Variants in TUB observed in about 807,000 individuals in gnomAD.
TUB encodes tubby protein homolog.
A neutral mutation model predicts 59.7 loss-of-function variants in TUB; 33 were observed. That is an observed-to-expected ratio of 0.55 (90% CI 0.42 to 0.74). The LOEUF (loss-of-function observed/expected upper bound fraction) is 0.74. Among genes scored for constraint, TUB ranks in the 30% least tolerant of loss-of-function variants. TUB has a pLI of 0.00. For missense variants in TUB, 659 were observed against 672.0 expected, an observed-to-expected ratio of 0.98 and a Z score of 0.21; for synonymous variants, 293 against 256.4, an observed-to-expected ratio of 1.14 and a Z score of -1.36.
At chr11:8,046,440 ATCT>A (rs1248078759) in intron 2 of TUB, among the ~76,000 whole-genome samples, 14 of 152,144 alleles carry the variant, frequency 9.2e-5, no homozygotes, top group Non-Finnish European at 1.9e-4. Flanking sequence ...CCAAACTAAC[ATCT>A]TCTCTCACCA....
In TUB at chr11:8,029,400, T is replaced by C. The variant is rs542788278; in HGVS notation, c.56+10042T>C. Among the ~76,000 whole-genome samples, 36 of 150,348 alleles carry C rather than the reference T, an allele frequency of 2.4e-4. No homozygotes were observed. The East Asian group carries it at 5.2e-3, about 22-fold the overall frequency. ...TTTTTCTTTCTTTCTTTTTTTTTTT[T>C]TTTTTTGAGACAGAGTCTCGCTCTT... On this transcript the variant is annotated intron_variant, in intron 1 of 11. Transcript: ENST00000534099.
At chr11:8,048,369 A>C (rs1321645840) in intron 2 of TUB, among the ~76,000 whole-genome samples, 2 of 152,192 alleles carry the variant, frequency 1.3e-5, no homozygotes, top group African/African-American at 4.8e-5. Context: ...GGACTACAAT[A>C]GATGAAGGTG....
At chr11:8,049,428 T>C (rs1942890642) in intron 2 of TUB, among the ~76,000 whole-genome samples, 1 of 152,128 alleles carries the variant, frequency 6.6e-6, no homozygotes, top group Non-Finnish European at 1.5e-5. Context: ...GTGATTCTGA[T>C]GTCCAGGCAG....
chr11:8,036,454 T>A (rs1942647806), upstream of TUB, among the ~76,000 whole-genome samples: 1 of 152,226 alleles, frequency 6.6e-6, no homozygotes, highest in South Asian at 2.1e-4. Flanking sequence ...AGCATCCTTC[T>A]TAGAAGGCTG....
At chr11:8,065,182 C>T (rs1023464423) in intron 2 of TUB, among the ~76,000 whole-genome samples, 3 of 152,292 alleles carry the variant, frequency 2.0e-5, no homozygotes, top group East Asian at 1.9e-4. Context: ...GACCATCAGG[C>T]TAAGGAGGAA....
At chr11:8,021,580 T>C (rs1942427962) in intron 1 of TUB, among the ~76,000 whole-genome samples, 1 of 152,088 alleles carries the variant, frequency 6.6e-6, no homozygotes, top group South Asian at 2.1e-4. Flanking sequence ...TTAATGCATA[T>C]TGTAAACGTT....
rs189245219 is a variant in TUB, at chr11:8,097,617, G to T, written c.886-97G>T. 215 of 1,315,686 alleles carry T rather than the reference G, an allele frequency of 1.6e-4. No homozygotes were observed. The African/African-American group carries it at 2.4e-3, about 14-fold the overall frequency. The allele number at this position is 1,315,686 out of a possible 1,614,324, so 81.5% of individuals were successfully genotyped here. A position where few individuals can be genotyped will look rare whatever the true frequency, so the allele number is the denominator to read the frequency against. ...TGTGTGTGCACATATGTGCGTTTGG[G>T]AGCTGACGCAACGGAGAGAGTCTGT... is the stretch of plus-strand genomic sequence containing the variant. On this transcript the variant is annotated intron_variant, in intron 7 of 11. Transcript: ENST00000299506.
At chr11:8,091,041 G>T (rs373078256) in intron 3 of TUB, among the ~76,000 whole-genome samples, 1 of 152,040 alleles carries the variant, frequency 6.6e-6, no homozygotes, top group East Asian at 1.9e-4. Context: ...TGGCTTTTGC[G>T]GTTAGGAAGA....
At chr11:8,097,939 T>C (rs765424068) in intron 8 of TUB, 113 bp downstream of exon 8, 5 of 763,964 alleles carry the variant, frequency 6.5e-6, no homozygotes, top group South Asian at 1.7e-5. Flanking sequence ...ATGGATACTC[T>C]CCCAGGATCC....
intron 1 of TUB, among the ~76,000 whole-genome samples, chr11:8,086,215 T>C (rs906516932): frequency 6.6e-6 from 1 of 152,200 alleles, no homozygotes; most frequent in Admixed American, 6.5e-5. Flanking sequence ...TAATTGGAGC[T>C]GAAGTCATTA....
At chr11:8,049,947 CACA>C (rs1211478664) in intron 2 of TUB, among the ~76,000 whole-genome samples, 4 of 152,086 alleles carry the variant, frequency 2.6e-5, no homozygotes, top group African/African-American at 9.7e-5. Flanking sequence ...GACCAAGAAA[CACA>C]ACATTTGCCA....
intron 9 of TUB, 147 bp from the exon 10 acceptor site, chr11:8,100,356 T>C (rs1393840176): frequency 1.5e-6 from 1 of 667,614 alleles, no homozygotes; most frequent in Admixed American, 2.2e-5. Flanking sequence ...GGCTCAGTTC[T>C]GGCCGTGTTA....
intron 1 of TUB, among the ~76,000 whole-genome samples, chr11:8,030,722 C>T (rs567249173): frequency 6.6e-6 from 1 of 152,124 alleles, no homozygotes; most frequent in Non-Finnish European, 1.5e-5. Flanking sequence ...GAGCACAGAG[C>T]TGAGGTCCGG....
At chr11:8,081,631 C>T (rs1193964850) in intron 1 of TUB, 83 bp downstream of exon 1, 13 of 1,377,906 alleles carry the variant, frequency 9.4e-6, no homozygotes, top group Non-Finnish European at 1.1e-5. Flanking sequence ...GGGCGCAGGG[C>T]ACCGCTGCCC....
chr11:8,079,196 T>C (rs1171606553), upstream of TUB, among the ~76,000 whole-genome samples: 1 of 152,214 alleles, frequency 6.6e-6, no homozygotes, highest in Non-Finnish European at 1.5e-5. Context: ...CTTCAAATTC[T>C]TGAAGGGAAA....
chr11:8,048,054 G>A (rs1159242103), intron 2 of TUB, among the ~76,000 whole-genome samples: 3 of 151,934 alleles, frequency 2.0e-5, no homozygotes, highest in African/African-American at 7.3e-5. Context: ...AGCCTACAGT[G>A]CATGTACACA....
At chr11:8,091,513 C>T (rs544083616) in intron 3 of TUB, among the ~76,000 whole-genome samples, 1 of 152,324 alleles carries the variant, frequency 6.6e-6, no homozygotes, top group East Asian at 1.9e-4. Context: ...CAGTGACCTG[C>T]TCATAGTACT....
At chr11:8,090,254 C>T (rs1487900432) in intron 3 of TUB, 23 bp downstream of exon 3, 32 of 1,610,614 alleles carry the variant, frequency 2.0e-5, no homozygotes, top group Non-Finnish European at 2.7e-5. Context: ...TGCTGCCCCA[C>T]ATCCCGTCAC....
intron 1 of TUB, among the ~76,000 whole-genome samples, chr11:8,028,883 A>T (rs1184394919): frequency 6.6e-6 from 1 of 152,142 alleles, no homozygotes. Context: ...GTTGTGGCAC[A>T]TGCCTATAGT....
Sources: allele counts gnomAD v4.1 joint callset (sites outside exome capture counted in the v4.1 genomes callset), GRCh38; gene constraint gnomAD v4.1.1; transcripts MANE v1.5; gene names NCBI Gene and HGNC (gene_info 2026-07-23, HGNC 2026-07-21).